PARVA: variants seen among roughly 807,000 people sequenced by gnomAD.
PARVA encodes the protein alpha-parvin.
PARVA carries 25 observed loss-of-function variants against 52.6 expected under a neutral mutation model. That is an observed-to-expected ratio of 0.48 (90% CI 0.35 to 0.66). The LOEUF (loss-of-function observed/expected upper bound fraction) is 0.66, where lower values mean the gene tolerates loss of function less well. Among genes scored for constraint, PARVA ranks in the 30% least tolerant of loss-of-function variants. The probability of loss-of-function intolerance (pLI) is 0.01; values close to 1 mark genes in which losing one functional copy is unlikely to be tolerated. For missense variants in PARVA, 373 were observed against 450.9 expected (o/e 0.83, Z 1.56); for synonymous variants, 185 against 179.1 (o/e 1.03, Z -0.26).
rs369128672 is a variant in PARVA at position 12,504,473 on chromosome 11, G to A, written c.657+44G>A. ...CAAACATCTGTGTCTTTAAAGAGTC[G>A]TGGAGGTCGAGTTCCTATGGTGCGT... On this transcript the variant is annotated intron_variant, in intron 6 of 12. Transcript: ENST00000334956. The A allele has an allele frequency of 1.8e-4, 225 of 1,266,140 alleles. 1 individual carries two copies. Among genetic ancestry groups the A allele is most frequent in the Non-Finnish European group, 2.0e-4 (174 of 869,738 alleles). The allele number at this position is 1,266,140 out of a possible 1,614,324, so 78.4% of individuals were successfully genotyped here.
At chr11:12,521,125 C>G (rs540480391) in intron 12 of PARVA, among the ~76,000 whole-genome samples, 1 of 152,152 alleles carries the variant, frequency 6.6e-6, no homozygotes, top group African/African-American at 2.4e-5. Flanking sequence ...ACATCTAGTA[C>G]CAGGCAGGAT....
At chr11:12,475,504 G>A (rs1435650527) in intron 3 of PARVA, among the ~76,000 whole-genome samples, 1 of 152,146 alleles carries the variant, frequency 6.6e-6, no homozygotes, top group Non-Finnish European at 1.5e-5. Context: ...ACATATAGCA[G>A]GTATTTAATA....
chr11:12,503,949 T>A (rs1464808224), intron 5 of PARVA, among the ~76,000 whole-genome samples: 1 of 152,094 alleles, frequency 6.6e-6, no homozygotes, highest in Non-Finnish European at 1.5e-5. Flanking sequence ...TCAGGGACCT[T>A]TTACTCATGG....
intron 12 of PARVA, among the ~76,000 whole-genome samples, chr11:12,523,806 C>T (rs1186192564): frequency 6.6e-6 from 1 of 152,208 alleles, no homozygotes; most frequent in East Asian, 1.9e-4. Flanking sequence ...GCTATCAGAA[C>T]TGAACTGAGT....
intron 6 of PARVA, among the ~76,000 whole-genome samples, chr11:12,504,644 A>G (rs1384873333): frequency 6.6e-6 from 1 of 151,886 alleles, no homozygotes; most frequent in African/African-American, 2.4e-5. Flanking sequence ...GCTTGTGTAT[A>G]GATAGCTTTG....
At chr11:12,413,436 A>G (rs910480966) in intron 1 of PARVA, among the ~76,000 whole-genome samples, 1 of 152,240 alleles carries the variant, frequency 6.6e-6, no homozygotes, top group African/African-American at 2.4e-5. Flanking sequence ...AAAGGATGAG[A>G]ATATCTTACT....
intron 1 of PARVA, among the ~76,000 whole-genome samples, chr11:12,425,021 C>G (rs1184602566): frequency 1.3e-5 from 2 of 152,180 alleles, no homozygotes; most frequent in African/African-American, 4.8e-5. Flanking sequence ...GTCTCCCCCT[C>G]TTTCAATTGG....
At chr11:12,429,740 A>AT (rs887129652) in intron 1 of PARVA, among the ~76,000 whole-genome samples, 2 of 152,104 alleles carry the variant, frequency 1.3e-5, no homozygotes, top group East Asian at 1.9e-4. Context: ...GTGGTTGCAA[A>AT]TTTTTTTGTG....
intron 5 of PARVA, among the ~76,000 whole-genome samples, chr11:12,503,312 T>C (rs1941385867): frequency 6.6e-6 from 1 of 152,182 alleles, no homozygotes. Context: ...ATTAAGGGCG[T>C]GCTTTATGTG....
chr11:12,426,592 G>GT (rs1446578270), intron 1 of PARVA, among the ~76,000 whole-genome samples: 1 of 152,188 alleles, frequency 6.6e-6, no homozygotes, highest in Non-Finnish European at 1.5e-5. Flanking sequence ...TCCAGATGAC[G>GT]TATGTGCTTT....
At chr11:12,395,091 C>CA (rs901391955) in intron 1 of PARVA, among the ~76,000 whole-genome samples, 1,268 of 54,716 alleles carry the variant, frequency 0.023, 17 homozygotes, top group African/African-American at 0.076. Context: ...AACTCCATCT[C>CA]AAAAAAAAAA....
At chr11:12,524,005 A>G (rs1941670582) in intron 12 of PARVA, among the ~76,000 whole-genome samples, 1 of 152,222 alleles carries the variant, frequency 6.6e-6, no homozygotes, top group Non-Finnish European at 1.5e-5. Flanking sequence ...AGAACAGGTG[A>G]TAAGTGATAG....
chr11:12,410,368 C>T (rs1281821404), intron 1 of PARVA, among the ~76,000 whole-genome samples: 2 of 152,382 alleles, frequency 1.3e-5, no homozygotes, highest in African/African-American at 4.8e-5. Context: ...CTGCCTTTCC[C>T]CCCGGCAGGG....
At chr11:12,508,285 C>A (rs1941461590) in intron 6 of PARVA, among the ~76,000 whole-genome samples, 3 of 152,044 alleles carry the variant, frequency 2.0e-5, no homozygotes, top group Admixed American at 2.0e-4. Flanking sequence ...GTGGATTACT[C>A]CAGGAGGCAA....
upstream of PARVA, chr11:12,377,334 A>T: frequency 9.6e-7 from 1 of 1,040,554 alleles, no homozygotes; most frequent in Non-Finnish European, 1.3e-6. Context: ...TTCCGGCTCG[A>T]CCGCTCCCAA....
intron 1 of PARVA, among the ~76,000 whole-genome samples, chr11:12,389,145 G>A (rs544801601): frequency 3.3e-5 from 5 of 152,300 alleles, no homozygotes; most frequent in African/African-American, 4.8e-5. Context: ...ATTACCTAAG[G>A]GGTAGGATGG....
intron 1 of PARVA, among the ~76,000 whole-genome samples, chr11:12,470,600 C>G (rs1437884049): frequency 6.6e-6 from 1 of 152,116 alleles, no homozygotes; most frequent in Non-Finnish European, 1.5e-5. Context: ...TAGTGCCAGT[C>G]CTTACAAAAC....
chr11:12,516,780 A>G (rs1422948591), intron 10 of PARVA, among the ~76,000 whole-genome samples: 4 of 152,214 alleles, frequency 2.6e-5, no homozygotes, highest in Admixed American at 6.5e-5. Flanking sequence ...AGTCCTCACG[A>G]TAACTCTGTG....
At chr11:12,516,328 C>T (rs898960977) in intron 10 of PARVA, among the ~76,000 whole-genome samples, 1 of 152,218 alleles carries the variant, frequency 6.6e-6, no homozygotes, top group Non-Finnish European at 1.5e-5. Flanking sequence ...GGTGGCCCAG[C>T]CTCCTTTGAA....
Sources: gnomAD v4.1 joint callset for allele counts (sites outside exome capture counted in the v4.1 genomes callset) on GRCh38, gnomAD v4.1.1 for gene constraint, MANE v1.5 for transcripts, NCBI Gene and HGNC (gene_info 2026-07-23, HGNC 2026-07-21) for gene names.